MEGF10: variants seen among roughly 807,000 people sequenced by gnomAD.
MEGF10 encodes the protein multiple EGF like domains 10.
In MEGF10, 86 loss-of-function variants were observed where a neutral mutation model predicts 147.5. The ratio of observed to expected loss-of-function variants is 0.58; its 90% CI spans 0.49 to 0.70. The LOEUF (loss-of-function observed/expected upper bound fraction) is 0.70, where lower values mean the gene tolerates loss of function less well. Among genes scored for constraint, MEGF10 ranks in the 30% least tolerant of loss-of-function variants. MEGF10 has a pLI of 0.00. For synonymous variants in MEGF10, 478 were observed against 525.5 expected, an observed-to-expected ratio of 0.91 and a Z score of 1.24; for missense variants, 1,329 against 1,487.3, an observed-to-expected ratio of 0.89 and a Z score of 1.75.
chr5:127,425,671 C>T (rs2126985507), intron 13 of MEGF10, among the ~76,000 whole-genome samples: 1 of 152,164 alleles, frequency 6.6e-6, no homozygotes, highest in East Asian at 1.9e-4. Context: ...CAAAGGTCAT[C>T]ATTTCATTGT....
At chr5:127,380,245 G>A in intron 5 of MEGF10, among the ~76,000 whole-genome samples, 1 of 152,084 alleles carries the variant, frequency 6.6e-6, no homozygotes, top group East Asian at 1.9e-4. Context: ...AATGTGCCAG[G>A]AGCAGTGACA....
the MEGF10 span, among the ~76,000 whole-genome samples, chr5:127,278,033 G>A: frequency 1.9e-4 from 29 of 152,284 alleles, no homozygotes; most frequent in Non-Finnish European, 3.7e-4. Context: ...GGAGTGGTCA[G>A]TAAAGGAATG....
At chr5:127,270,615 C>T in the MEGF10 span, among the ~76,000 whole-genome samples, 1 of 152,136 alleles carries the variant, frequency 6.6e-6, no homozygotes, top group Non-Finnish European at 1.5e-5. Flanking sequence ...GAGACTTAGA[C>T]TCCCACACAA....
intron 4 of MEGF10, among the ~76,000 whole-genome samples, chr5:127,367,833 C>G (rs1451285982): frequency 6.6e-6 from 1 of 152,148 alleles, no homozygotes; most frequent in Admixed American, 6.5e-5. Flanking sequence ...GGAGGCAAAA[C>G]CCTCTCGTGT....
the MEGF10 span, among the ~76,000 whole-genome samples, chr5:127,237,366 C>T: frequency 2.0e-5 from 3 of 152,074 alleles, no homozygotes; most frequent in Non-Finnish European, 4.4e-5. Flanking sequence ...GTGGTGGGTG[C>T]CTATAATCCC....
At chr5:127,426,940 C>T (rs778525044) in intron 13 of MEGF10, among the ~76,000 whole-genome samples, 1 of 152,190 alleles carries the variant, frequency 6.6e-6, no homozygotes, top group Non-Finnish European at 1.5e-5. Flanking sequence ...TTCCCAGTCC[C>T]CACCTCACAC....
chr5:127,331,346 G>A lies in MEGF10; in HGVS notation c.38G>A (p.Cys13Tyr), dbSNP rs1433718922. ...ISLNSCLSFI[C>Y]LLLCHWIGTA... is the part of the protein sequence containing the mutation. ...TTGAACTCATGCCTGAGCTTTATTT[G>A]TTTATTGTTATGCCACTGGATTGGG... The change falls in exon 2 of 25, where the codon TGT becomes TAT. Residue 13 changes from cysteine (C) to tyrosine (Y), a missense_variant. Around this residue, in one of 3 missense-constraint regions of MEGF10, gnomAD observed 980 missense variants for 1,085.9 expected, o/e 0.90. Coordinates refer to ENST00000503335, the MANE Select transcript of MEGF10 (RefSeq NM_001256545.2). The A allele has an allele frequency of 1.9e-6, 3 of 1,613,048 alleles. No homozygotes were observed. The highest frequency in any genetic ancestry group is 2.2e-5 in the South Asian group (2 of 91,022).
intron 13 of MEGF10, chr5:127,424,470 A>C: frequency 7.4e-7 from 1 of 1,346,368 alleles, no homozygotes; most frequent in Non-Finnish European, 1.0e-6. Flanking sequence ...AATACTGTCC[A>C]CTTAACAATA....
chr5:127,447,939 A>G (rs1481919926), intron 21 of MEGF10, among the ~76,000 whole-genome samples: 2 of 152,262 alleles, frequency 1.3e-5, no homozygotes, highest in South Asian at 2.1e-4. Context: ...TGTGTGAGTC[A>G]AAGTCTCTCT....
At chr5:127,439,698 C>T (rs72790430) in intron 17 of MEGF10, among the ~76,000 whole-genome samples, 15,351 of 152,224 alleles carry the variant, frequency 0.1, 925 homozygotes, top group Non-Finnish European at 0.13. Context: ...GTGGGAACAA[C>T]ATGGGGTCCA....
the MEGF10 span, among the ~76,000 whole-genome samples, chr5:127,251,126 A>C: frequency 6.6e-6 from 1 of 152,092 alleles, no homozygotes; most frequent in Non-Finnish European, 1.5e-5. Context: ...TGGTAGACAA[A>C]ATAGCAAGTA....
intron 9 of MEGF10, among the ~76,000 whole-genome samples, chr5:127,413,328 A>G (rs1386323240): frequency 3.9e-5 from 6 of 152,190 alleles, no homozygotes; most frequent in Admixed American, 3.9e-4. Flanking sequence ...TCCACATGCA[A>G]TATAGAGAGA....
intron 16 of MEGF10, among the ~76,000 whole-genome samples, chr5:127,437,931 C>A (rs1404909519): frequency 1.3e-5 from 2 of 152,190 alleles, no homozygotes; most frequent in East Asian, 1.9e-4. Flanking sequence ...CTCACAGAGG[C>A]CTTCCTCAGA....
At chr5:127,325,844 C>T (rs962288566) in intron 1 of MEGF10, among the ~76,000 whole-genome samples, 12 of 104,420 alleles carry the variant, frequency 1.1e-4, no homozygotes, top group Admixed American at 9.0e-4. Context: ...TATATATATA[C>T]ATATATGTGT....
intron 5 of MEGF10, among the ~76,000 whole-genome samples, chr5:127,385,470 G>T (rs1001234226): frequency 6.6e-6 from 1 of 152,008 alleles, no homozygotes; most frequent in Admixed American, 6.5e-5. Context: ...ATGGGGTTTC[G>T]CCATGTTGGC....
chr5:127,248,916 A>T, the MEGF10 span, among the ~76,000 whole-genome samples: 1 of 151,910 alleles, frequency 6.6e-6, no homozygotes, highest in South Asian at 2.1e-4. Flanking sequence ...AAAAAAATTT[A>T]AATTAATGTA....
chr5:127,291,716 T>A (rs1455422895), intron 1 of MEGF10, among the ~76,000 whole-genome samples: 1 of 152,216 alleles, frequency 6.6e-6, no homozygotes, highest in Admixed American at 6.5e-5. Context: ...TTGATCTTTT[T>A]CTTTTAAATT....
chr5:127,351,032 T>C (rs1284705235), intron 4 of MEGF10, among the ~76,000 whole-genome samples: 1 of 151,898 alleles, frequency 6.6e-6, no homozygotes, highest in African/African-American at 2.4e-5. Flanking sequence ...AAAATGGGGA[T>C]GGTTAATGGG....
At position 127,343,381 on chromosome 5, in the gene MEGF10, C is replaced by T. The variant is rs919714192; in HGVS notation, c.319+2751C>T. Among the ~76,000 whole-genome samples the T allele has an allele frequency of 2.6e-5, 4 of 152,056 alleles. No individual in the cohort carries two copies. In the East Asian group the frequency reaches 7.7e-4, roughly 29 times the overall value. On this transcript the variant is annotated intron_variant, in intron 4 of 24. Transcript: ENST00000503335. Reference sequence around the variant, plus strand: ...CCTCCCTCCCCACCTCTGTTTCATCCTGCCCCACCCGCTCCTCCATGATAG... The same window carrying T: ...CCTCCCTCCCCACCTCTGTTTCATCTTGCCCCACCCGCTCCTCCATGATAG...
Sources: allele counts gnomAD v4.1 joint callset (sites outside exome capture counted in the v4.1 genomes callset), GRCh38; gene constraint gnomAD v4.1.1; regional missense constraint gnomAD v4.1.1; transcripts MANE v1.5; gene names NCBI Gene and HGNC (gene_info 2026-07-23, HGNC 2026-07-21).